Variants in FAT3 observed in about 807,000 individuals in gnomAD.
FAT3 encodes the protein FAT atypical cadherin 3, also known as protocadherin Fat 3.
A neutral mutation model predicts 310.2 loss-of-function variants in FAT3; 95 were observed. That is an observed-to-expected ratio of 0.31 (90% CI 0.26 to 0.36). FAT3 has a LOEUF of 0.36. Among genes scored for constraint, FAT3 ranks in the 10% least tolerant of loss-of-function variants. The probability of loss-of-function intolerance (pLI) is 1.00; values close to 1 mark genes in which losing one functional copy is unlikely to be tolerated. For synonymous variants in FAT3, 2,314 were observed against 2,192.9 expected (o/e 1.06, Z -1.54); for missense variants, 5,408 against 5,715.6 (o/e 0.95, Z 1.74).
intron 3 of FAT3, among the ~76,000 whole-genome samples, chr11:92,575,421 A>T (rs958175234): frequency 6.6e-6 from 1 of 152,202 alleles, no homozygotes; most frequent in Admixed American, 6.5e-5. Context: ...AATGTATAAG[A>T]TGAATCAAAT....
At chr11:92,649,229 C>A (rs1177318368) in intron 3 of FAT3, among the ~76,000 whole-genome samples, 1 of 152,136 alleles carries the variant, frequency 6.6e-6, no homozygotes, top group Non-Finnish European at 1.5e-5. Context: ...AGTTATGAAT[C>A]TTAAAATGGA....
At chr11:92,574,393 C>T (rs1938352376) in intron 3 of FAT3, among the ~76,000 whole-genome samples, 1 of 152,244 alleles carries the variant, frequency 6.6e-6, no homozygotes, top group East Asian at 1.9e-4. Context: ...GCTCCAAATG[C>T]CTTAACCTGG....
intron 3 of FAT3, among the ~76,000 whole-genome samples, chr11:92,616,616 G>A (rs867225864): frequency 5.3e-5 from 8 of 152,230 alleles, no homozygotes; most frequent in East Asian, 1.9e-4. Context: ...AGCTGGTACC[G>A]GTTGTTCCTT....
At chr11:92,761,737 T>C (rs1363692429) in intron 4 of FAT3, 119 bp from the exon 5 acceptor site, 2 of 890,878 alleles carry the variant, frequency 2.2e-6, no homozygotes, top group East Asian at 2.4e-5. Flanking sequence ...AGAAAATGAA[T>C]ACTAAAAGAA....
intron 2 of FAT3, among the ~76,000 whole-genome samples, chr11:92,471,915 C>CCA (rs1491237983): frequency 8.0e-6 from 1 of 124,940 alleles, no homozygotes; most frequent in African/African-American, 3.1e-5. Context: ...TTTTCATATG[C>CCA]TATATATATA....
At chr11:92,561,896 G>T (rs1055170648) in intron 3 of FAT3, among the ~76,000 whole-genome samples, 1 of 152,144 alleles carries the variant, frequency 6.6e-6, no homozygotes, top group Middle Eastern at 3.2e-3. Flanking sequence ...AAAGTGCTGG[G>T]ATTACAGGCG....
intron 8 of FAT3, among the ~76,000 whole-genome samples, chr11:92,791,814 A>T (rs1174885636): frequency 6.6e-6 from 1 of 152,224 alleles, no homozygotes; most frequent in Admixed American, 6.5e-5. Flanking sequence ...TAAAGAAATG[A>T]TTATTTTCAA....
intron 3 of FAT3, among the ~76,000 whole-genome samples, chr11:92,533,543 G>A (rs1404577577): frequency 3.3e-5 from 5 of 152,156 alleles, no homozygotes; most frequent in South Asian, 4.1e-4. Flanking sequence ...ATGATTGCTC[G>A]ATGCTGTTTC....
Position 92,790,196 on chromosome 11 carries a change from A to T in FAT3, c.4589A>T (p.Asp1530Val). Residue 1530 changes from aspartate (D) to valine (V), a missense_variant, in exon 8 of 28, where the codon GAC (aspartate) becomes GTC (valine). Around this residue, in one of 5 missense-constraint regions of FAT3, gnomAD observed 4,588 missense variants for 4,809.8 expected, o/e 0.95. Transcript: ENST00000525166. Reference sequence around the variant, plus strand: ...GAGAGGCTGGACCATGAGGCCCAGGACAAGCACATTCTCAACATAATGGTA... The same window carrying T: ...GAGAGGCTGGACCATGAGGCCCAGGTCAAGCACATTCTCAACATAATGGTA... Reference protein sequence around the residue: ...TAERLDHEAQDKHILNIMVRD... With the variant: ...TAERLDHEAQVKHILNIMVRD... The T allele has an allele frequency of 3.7e-6, 6 of 1,613,676 alleles. No individual in the cohort carries two copies. The highest frequency in any genetic ancestry group is 5.1e-6 in the Non-Finnish European group (6 of 1,179,638).
At chr11:92,417,763 A>G (rs922287456) in intron 2 of FAT3, among the ~76,000 whole-genome samples, 7 of 152,354 alleles carry the variant, frequency 4.6e-5, no homozygotes, top group East Asian at 3.9e-4. Flanking sequence ...AACATTTAAA[A>G]GTAAAACAAA....
intron 3 of FAT3, among the ~76,000 whole-genome samples, chr11:92,637,214 A>G (rs1027058456): frequency 6.6e-6 from 1 of 152,190 alleles, no homozygotes; most frequent in African/African-American, 2.4e-5. Context: ...GAGAGAAGGA[A>G]TGACTGGAAA....
intron 2 of FAT3, chr11:92,403,171 T>TG (rs1245406900): frequency 1.1e-4 from 17 of 152,160 alleles, no homozygotes; most frequent in African/African-American, 3.1e-4. Flanking sequence ...AAGATGGATA[T>TG]GGGGGGACAA....
At chr11:92,496,997 G>A (rs905928198) in intron 2 of FAT3, among the ~76,000 whole-genome samples, 7 of 152,030 alleles carry the variant, frequency 4.6e-5, no homozygotes, top group African/African-American at 1.7e-4. Flanking sequence ...CCCCAGGCTG[G>A]CCCTTGTTTG....
intron 3 of FAT3, among the ~76,000 whole-genome samples, chr11:92,647,870 A>G (rs1238651723): frequency 2.0e-5 from 3 of 152,148 alleles, no homozygotes; most frequent in East Asian, 3.9e-4. Flanking sequence ...AATAAATGTT[A>G]AAAGTACAGA....
chr11:92,690,274 CA>C (rs1233135446), intron 3 of FAT3, among the ~76,000 whole-genome samples: 4 of 152,228 alleles, frequency 2.6e-5, no homozygotes, highest in Non-Finnish European at 5.9e-5. Flanking sequence ...TGACCCACAG[CA>C]TCTTCATACT....
At chr11:92,414,489 G>T in intron 2 of FAT3, among the ~76,000 whole-genome samples, 1 of 152,162 alleles carries the variant, frequency 6.6e-6, no homozygotes, top group Non-Finnish European at 1.5e-5. Context: ...AAAATAAAAT[G>T]TAGTTACTTT....
intron 1 of FAT3, among the ~76,000 whole-genome samples, chr11:92,281,609 T>A (rs958843620): frequency 2.6e-5 from 4 of 152,184 alleles, no homozygotes; most frequent in Non-Finnish European, 4.4e-5. Flanking sequence ...AGGGCAGGCA[T>A]GAGTCTTAAG....
At chr11:92,857,189 C>G in intron 19 of FAT3, 25 bp from the exon 20 acceptor site, 1 of 1,613,794 alleles carries the variant, frequency 6.2e-7, no homozygotes, top group Non-Finnish European at 8.5e-7. Flanking sequence ...GTGTACTGAT[C>G]ATGCATATTC....
intron 2 of FAT3, among the ~76,000 whole-genome samples, chr11:92,512,106 T>C (rs1262352888): frequency 1.3e-5 from 2 of 152,168 alleles, no homozygotes; most frequent in Non-Finnish European, 1.5e-5. Context: ...CTTGATTAGC[T>C]GGGCAATTCA....
Sources: gnomAD v4.1 joint callset for allele counts (sites outside exome capture counted in the v4.1 genomes callset) on GRCh38, gnomAD v4.1.1 for gene constraint, gnomAD v4.1.1 regional missense constraint, MANE v1.5 for transcripts, NCBI Gene and HGNC (gene_info 2026-07-23, HGNC 2026-07-21) for gene names.